Variants in KATNIP observed in about 807,000 individuals in gnomAD.
KATNIP encodes the protein katanin-interacting protein.
KATNIP carries 126 observed loss-of-function variants against 174.0 expected under a neutral mutation model. The ratio of observed to expected loss-of-function variants is 0.72; its 90% CI spans 0.63 to 0.84. The LOEUF (loss-of-function observed/expected upper bound fraction) is 0.84, where lower values mean the gene tolerates loss of function less well. Among genes scored for constraint, KATNIP ranks in the 40% least tolerant of loss-of-function variants. KATNIP has a pLI of 0.00. For missense variants in KATNIP, 1,958 were observed against 2,109.7 expected (o/e 0.93, Z 1.41); for synonymous variants, 810 against 835.7 (o/e 0.97, Z 0.53).
At chr16:27,679,553 C>T (rs2078250420) in intron 7 of KATNIP, among the ~76,000 whole-genome samples, 1 of 151,794 alleles carries the variant, frequency 6.6e-6, no homozygotes. Context: ...TCCAGATCAG[C>T]CTGGGAAACA....
rs934331152 is a variant in KATNIP, at chr16:27,779,538, C to G, written c.*909C>G. Reference sequence around the variant, plus strand: ...CTTGAGCAGGCCCTCCCTGCACTCTCTGCCACATGTCCCTCCTGGTCTGAT... The same window carrying G: ...CTTGAGCAGGCCCTCCCTGCACTCTGTGCCACATGTCCCTCCTGGTCTGAT... On this transcript the variant is annotated 3_prime_UTR_variant, in exon 28 of 28. Transcript: ENST00000261588. 6.6e-6 allele frequency: 1 copy of G among 152,538 alleles called. No individual in the cohort carries two copies. Among genetic ancestry groups the G allele is most frequent in the Non-Finnish European group, 1.5e-5 (1 of 68,236 alleles). The allele number at this position is 152,538 out of a possible 1,614,324, so 9.4% of individuals were successfully genotyped here.
chr16:27,690,315 CAGATAGATAGAT>C (rs3056270), intron 8 of KATNIP, among the ~76,000 whole-genome samples: 32 of 128,744 alleles, frequency 2.5e-4, no homozygotes, highest in Admixed American at 6.7e-4. Context: ...GACCCCATCT[CAGATAGATAGAT>C]AGATAGATAG....
At chr16:27,582,563 T>C (rs1299014839) in intron 2 of KATNIP, among the ~76,000 whole-genome samples, 1 of 152,210 alleles carries the variant, frequency 6.6e-6, no homozygotes, top group African/African-American at 2.4e-5. Context: ...TTCTGATTTA[T>C]GCAGGGCAAA....
chr16:27,765,485 G>A (rs923484468), intron 19 of KATNIP, among the ~76,000 whole-genome samples: 12 of 152,172 alleles, frequency 7.9e-5, no homozygotes, highest in Admixed American at 2.0e-4. Context: ...CAGGCCATGC[G>A]GTCACAGAGC....
At chr16:27,662,061 T>C (rs1264678551) in intron 6 of KATNIP, among the ~76,000 whole-genome samples, 1 of 96,012 alleles carries the variant, frequency 1.0e-5, no homozygotes, top group Non-Finnish European at 2.0e-5. Flanking sequence ...TATATATATA[T>C]ATATATATAT....
At chr16:27,698,222 T>C (rs2142976448) in intron 8 of KATNIP, 106 bp from the exon 9 acceptor site, 4 of 1,184,556 alleles carry the variant, frequency 3.4e-6, no homozygotes, top group Non-Finnish European at 4.8e-6. Context: ...TTGGAGAGTA[T>C]GGGCCAGTTG....
chr16:27,743,618 C>T (rs2081186178), intron 15 of KATNIP, among the ~76,000 whole-genome samples: 1 of 152,158 alleles, frequency 6.6e-6, no homozygotes, highest in Admixed American at 6.5e-5. Flanking sequence ...CTGCAGTGAC[C>T]AGGTGCACAG....
intron 6 of KATNIP, among the ~76,000 whole-genome samples, chr16:27,667,785 TA>T (rs1354605854): frequency 6.6e-6 from 1 of 152,206 alleles, no homozygotes; most frequent in Non-Finnish European, 1.5e-5. Context: ...ACTAGAACCC[TA>T]TTAAAGCAAT....
intron 6 of KATNIP, chr16:27,660,109 T>G: frequency 1.6e-6 from 1 of 643,184 alleles, no homozygotes; most frequent in Non-Finnish European, 1.9e-6. Context: ...CCATAAACAT[T>G]CTGGGGCCTT....
At chr16:27,712,910 A>AC (rs2079643691) in intron 13 of KATNIP, among the ~76,000 whole-genome samples, 1 of 151,858 alleles carries the variant, frequency 6.6e-6, no homozygotes, top group South Asian at 2.1e-4. Context: ...GGCTCAAGCC[A>AC]CCCCCCAACC....
Position 27,708,866 on chromosome 16 carries a change from C to T in KATNIP, c.1551C>T (p.Ile517=), listed in dbSNP as rs779748301. The T allele has an allele frequency of 5.0e-6, 8 of 1,613,856 alleles. No homozygotes were observed. The highest frequency in any genetic ancestry group is 1.7e-4 in the Middle Eastern group (1 of 6,012). ...KLYVSPHDVD[I]RNTATPGELG... ...ATGTGTCGCCCCACGATGTGGATAT[C>T]CGGAACACAGCCACGCCTGGGGAGC... The change falls in exon 13 of 28, where the codon ATC becomes ATT. Residue 517 remains isoleucine, a synonymous_variant. Transcript: ENST00000261588.
At chr16:27,752,444 C>G (rs958746082) in intron 17 of KATNIP, among the ~76,000 whole-genome samples, 1 of 152,230 alleles carries the variant, frequency 6.6e-6, no homozygotes, top group African/African-American at 2.4e-5. Context: ...AACTGATGCT[C>G]AGAGAAGTCA....
intron 1 of KATNIP, among the ~76,000 whole-genome samples, chr16:27,553,277 A>T (rs376894432): frequency 1.6e-4 from 25 of 152,344 alleles, no homozygotes; most frequent in African/African-American, 5.8e-4. Context: ...GAGTTTAAGT[A>T]TTAGGAAACT....
rs568445048 is a variant in KATNIP, at chr16:27,620,193, G to C, written c.140+1692G>C. Reference sequence around the variant, plus strand: ...TCAAAACTGAGTTGCCATAAAATTTGGGGGGACGTGTTGTCACCAAGATGG... The same window carrying C: ...TCAAAACTGAGTTGCCATAAAATTTCGGGGGACGTGTTGTCACCAAGATGG... On this transcript the variant is annotated intron_variant, in intron 3 of 27. Transcript: ENST00000261588. Among the ~76,000 whole-genome samples the C allele has an allele frequency of 6.0e-4, 91 of 152,304 alleles. 1 individual carries two copies. In the South Asian group the frequency reaches 0.013, roughly 21 times the overall value.
chr16:27,640,869 C>G (rs548004577), intron 5 of KATNIP, among the ~76,000 whole-genome samples: 21 of 152,114 alleles, frequency 1.4e-4, no homozygotes, highest in Non-Finnish European at 2.4e-4. Flanking sequence ...GGCGCGGAGG[C>G]TCACGCATGT....
intron 4 of KATNIP, among the ~76,000 whole-genome samples, chr16:27,629,165 C>CAA (rs1169255800): frequency 0.016 from 1,020 of 63,958 alleles, 16 homozygotes; most frequent in African/African-American, 0.053. Context: ...GAGACTCTGT[C>CAA]AAAAAAAAAA....
intron 21 of KATNIP, among the ~76,000 whole-genome samples, chr16:27,770,820 G>A (rs2082272458): frequency 6.6e-6 from 1 of 152,198 alleles, no homozygotes; most frequent in African/African-American, 2.4e-5. Flanking sequence ...CTGAGGCTCT[G>A]GCTGGTGGAG....
At chr16:27,744,924 A>T (rs1225897483) in intron 15 of KATNIP, among the ~76,000 whole-genome samples, 1 of 152,042 alleles carries the variant, frequency 6.6e-6, no homozygotes, top group Non-Finnish European at 1.5e-5. Context: ...CAGAAAATAA[A>T]ATCATAAAAT....
intron 2 of KATNIP, among the ~76,000 whole-genome samples, chr16:27,593,039 C>T (rs1038361212): frequency 1.3e-5 from 2 of 152,186 alleles, no homozygotes; most frequent in African/African-American, 2.4e-5. Context: ...CCTCCAGGGT[C>T]CTGGGAGGTC....
Sources: allele counts gnomAD v4.1 joint callset (sites outside exome capture counted in the v4.1 genomes callset), GRCh38; gene constraint gnomAD v4.1.1; transcripts MANE v1.5; gene names NCBI Gene and HGNC (gene_info 2026-07-23, HGNC 2026-07-21).